Variants in MIA2 observed in about 807,000 individuals in gnomAD.
MIA2 encodes melanoma inhibitory activity protein 2.
Under a neutral mutation model 167.8 loss-of-function variants are expected in MIA2, and 127 were observed. The observed-to-expected ratio is 0.76, with a 90% confidence interval of 0.66 to 0.88. The LOEUF (loss-of-function observed/expected upper bound fraction) is 0.88. MIA2 is among the 40% of genes least tolerant of loss of function. The pLI, the probability that MIA2 is intolerant of heterozygous loss-of-function variation, is 0.00. For missense variants in MIA2, 1,690 were observed against 1,624.7 expected, an observed-to-expected ratio of 1.04 and a Z score of -0.69; for synonymous variants, 552 against 541.9, an observed-to-expected ratio of 1.02 and a Z score of -0.26.
intron 16 of MIA2, 140 bp from the exon 17 acceptor site, chr14:39,304,151 G>T (rs2062950662): frequency 4.7e-6 from 2 of 427,350 alleles, no homozygotes; most frequent in Non-Finnish European, 8.4e-6. Context: ...TATGGTTTCT[G>T]TATTCCAGGT....
intron 6 of MIA2, chr14:39,269,093 T>TTTTTTTTTTTTTTTTA: frequency 1.1e-6 from 1 of 948,458 alleles, no homozygotes; most frequent in Non-Finnish European, 1.2e-6. Flanking sequence ...TTTTTTTTTT[T>TTTTTTTTTTTTTTTTA]TTTTTTGCTA....
At chr14:39,316,211 G>T (rs1418241920) in intron 21 of MIA2, among the ~76,000 whole-genome samples, 1 of 152,220 alleles carries the variant, frequency 6.6e-6, no homozygotes. Context: ...GTGTATTTGT[G>T]CTCCAGAGGA....
At chr14:39,315,578 C>T in intron 20 of MIA2, 105 bp from the exon 21 acceptor site, 1 of 810,010 alleles carries the variant, frequency 1.2e-6, no homozygotes, top group South Asian at 1.7e-5. Flanking sequence ...TTCAGAGATG[C>T]TTGGGATAGT....
At chr14:39,314,718 A>G in intron 19 of MIA2, 21 bp from the exon 20 acceptor site, 2 of 1,593,214 alleles carry the variant, frequency 1.3e-6, no homozygotes, top group Non-Finnish European at 1.7e-6. Context: ...TAATAGTAGA[A>G]TAATTATTCG....
chr14:39,270,244 C>G (rs1172210006), intron 6 of MIA2, among the ~76,000 whole-genome samples: 15 of 144,072 alleles, frequency 1.0e-4, no homozygotes, highest in Admixed American at 9.9e-4. Flanking sequence ...CTCTGTCACC[C>G]AGGCTGGAGT....
At chr14:39,364,591 T>C (rs61176483) in intron 23 of MIA2, among the ~76,000 whole-genome samples, 3,077 of 152,238 alleles carry the variant, frequency 0.02, 111 homozygotes, top group African/African-American at 0.071. Flanking sequence ...CTTAAGCATT[T>C]CTTGTAGGTC....
intron 23 of MIA2, among the ~76,000 whole-genome samples, chr14:39,385,023 A>G (rs1290221515): frequency 6.6e-6 from 1 of 152,230 alleles, no homozygotes; most frequent in African/African-American, 2.4e-5. Context: ...ATGCTTTAAT[A>G]TTTCTAAATG....
At chr14:39,272,262 G>C (rs1204622901) in intron 6 of MIA2, among the ~76,000 whole-genome samples, 1 of 152,186 alleles carries the variant, frequency 6.6e-6, no homozygotes, top group African/African-American at 2.4e-5. Context: ...TGAGGCAGGA[G>C]AATCGCTTGA....
intron 9 of MIA2, among the ~76,000 whole-genome samples, chr14:39,285,148 T>C (rs2059438890): frequency 1.3e-5 from 2 of 152,190 alleles, no homozygotes; most frequent in African/African-American, 4.8e-5. Context: ...CCATGTCTAC[T>C]TCTTTCTACA....
intron 9 of MIA2, among the ~76,000 whole-genome samples, chr14:39,286,796 T>C (rs553419015): frequency 2.7e-5 from 4 of 150,496 alleles, no homozygotes; most frequent in African/African-American, 9.8e-5. Flanking sequence ...CGGGTTCAAG[T>C]GATTCTCCCA....
intron 9 of MIA2, among the ~76,000 whole-genome samples, chr14:39,289,242 A>G (rs1330064442): frequency 7.0e-6 from 1 of 143,102 alleles, no homozygotes; most frequent in African/African-American, 2.6e-5. Context: ...TTTTTTTTTG[A>G]GACAGTCTTG....
chr14:39,330,047 C>G (rs540527246), intron 25 of MIA2, among the ~76,000 whole-genome samples: 1 of 152,124 alleles, frequency 6.6e-6, no homozygotes, highest in Non-Finnish European at 1.5e-5. Flanking sequence ...AGGAATGGTA[C>G]CAGCTCCTCC....
intron 13 of MIA2, among the ~76,000 whole-genome samples, chr14:39,297,055 G>T (rs958481150): frequency 6.6e-6 from 1 of 151,662 alleles, no homozygotes; most frequent in East Asian, 1.9e-4. Context: ...GAGATTACAA[G>T]CGCGAGCCAC....
chr14:39,345,793 T>G, intron 25 of MIA2, 111 bp from the exon 26 acceptor site: 1 of 782,642 alleles, frequency 1.3e-6, no homozygotes, highest in Non-Finnish European at 2.0e-6. Context: ...AAGAAGATGA[T>G]GAGTTTAAGT....
In MIA2 at chr14:39,260,493, C is replaced by T. The variant is rs550406630; in HGVS notation, c.1887+7322C>T. Reference sequence around the variant, plus strand: ...CATTTTTTCATGTGGCTGTTGGCTGCATAAATGTCTTCTTTTGAAAAGTGT... The same window carrying T: ...CATTTTTTCATGTGGCTGTTGGCTGTATAAATGTCTTCTTTTGAAAAGTGT... On this transcript the variant is annotated intron_variant, in intron 6 of 28. Coordinates refer to ENST00000640607, the MANE Select transcript of MIA2 (RefSeq NM_001329214.4). Among the ~76,000 whole-genome samples, 6 of 152,346 alleles carry T rather than the reference C, an allele frequency of 3.9e-5. No individual in the cohort carries two copies. In the East Asian group the frequency reaches 7.7e-4, roughly 20 times the overall value.
At chr14:39,365,387 C>T (rs1595946858) in intron 23 of MIA2, among the ~76,000 whole-genome samples, 2 of 152,224 alleles carry the variant, frequency 1.3e-5, no homozygotes, top group South Asian at 2.1e-4. Context: ...TGCCTTTAGC[C>T]TTCTCTTCTT....
At chr14:39,296,814 T>TG (rs1485086747) in intron 13 of MIA2, among the ~76,000 whole-genome samples, 1 of 151,748 alleles carries the variant, frequency 6.6e-6, no homozygotes, top group Non-Finnish European at 1.5e-5. Flanking sequence ...CTTGCCTTGT[T>TG]GATCAGGCTG....
chr14:39,258,707 C>G (rs2054931889), intron 6 of MIA2, among the ~76,000 whole-genome samples: 1 of 152,180 alleles, frequency 6.6e-6, no homozygotes, highest in Non-Finnish European at 1.5e-5. Context: ...CTGGTTTTTC[C>G]TTATCTTCAT....
intron 24 of MIA2, among the ~76,000 whole-genome samples, chr14:39,326,248 T>G (rs2067528667): frequency 1.3e-5 from 2 of 152,362 alleles, no homozygotes; most frequent in South Asian, 4.1e-4. Context: ...TAGAAATCAC[T>G]AAAAGCCATC....
Sources: allele counts gnomAD v4.1 joint callset (sites outside exome capture counted in the v4.1 genomes callset), GRCh38; gene constraint gnomAD v4.1.1; transcripts MANE v1.5; gene names NCBI Gene and HGNC (gene_info 2026-07-23, HGNC 2026-07-21).